The following ODF2 variants were observed in gnomAD, a reference collection of about 807,000 sequenced individuals.
The protein encoded by ODF2 is outer dense fiber protein 2.
ODF2 carries 47 observed loss-of-function variants against 110.2 expected under a neutral mutation model. That is an observed-to-expected ratio of 0.43 (90% confidence interval 0.34 to 0.54). The LOEUF (loss-of-function observed/expected upper bound fraction) is 0.54, where lower values mean the gene tolerates loss of function less well. ODF2 is among the 20% of genes least tolerant of loss of function. ODF2 has a pLI of 0.03. For missense variants in ODF2, 812 were observed against 1,054.5 expected, an observed-to-expected ratio of 0.77 and a Z score of 3.19; for synonymous variants, 352 against 397.7, an observed-to-expected ratio of 0.89 and a Z score of 1.37.
intron 2 of ODF2, among the ~76,000 whole-genome samples, chr9:128,459,208 C>T (rs959214300): frequency 1.3e-5 from 2 of 152,234 alleles, no homozygotes; most frequent in Non-Finnish European, 2.9e-5. Flanking sequence ...CTGCTCCAGG[C>T]ACTGTCCTGG....
intron 8 of ODF2, among the ~76,000 whole-genome samples, chr9:128,478,282 G>T (rs1253867271): frequency 1.3e-5 from 2 of 152,178 alleles, no homozygotes; most frequent in Non-Finnish European, 2.9e-5. Context: ...CAGCCTGGAT[G>T]ACAGAGCCAG....
intron 1 of ODF2, chr9:128,456,675 C>G: frequency 1.4e-6 from 2 of 1,436,966 alleles, no homozygotes; most frequent in Non-Finnish European, 1.8e-6. Flanking sequence ...CCTCGGGCCT[C>G]CACATGGCAG....
intron 14 of ODF2, among the ~76,000 whole-genome samples, chr9:128,489,996 C>G (rs1389578575): frequency 6.6e-6 from 1 of 152,070 alleles, no homozygotes; most frequent in Non-Finnish European, 1.5e-5. Context: ...GTAGTAGTAT[C>G]TCATTTGTAT....
chr9:128,456,179 C>T (rs746605930), exon 1 of ODF2: 5 of 1,549,248 alleles, frequency 3.2e-6, no homozygotes, highest in Non-Finnish European at 4.4e-6. Context: ...GCCGCGGCGT[C>T]TCCATGGCAC....
At chr9:128,490,429 T>G (rs1423421636) in intron 14 of ODF2, among the ~76,000 whole-genome samples, 1 of 151,808 alleles carries the variant, frequency 6.6e-6, no homozygotes, top group South Asian at 2.1e-4. Context: ...ATTACAGGCA[T>G]CCACCACCAT....
chr9:128,485,402 C>T lies in ODF2; in HGVS notation c.1328C>T (p.Ser443Phe). The T allele has an allele frequency of 6.2e-7, 1 of 1,611,462 alleles. No individual in the cohort carries two copies. Among genetic ancestry groups the T allele is most frequent in the Non-Finnish European group, 8.5e-7 (1 of 1,177,928 alleles). The change falls in exon 13 of 21, where the codon TCC (serine) becomes TTC (phenylalanine). Residue 443 changes from serine (S) to phenylalanine (F), a missense_variant. By Grantham distance (155) the Ser-to-Phe change is radical. Transcript: ENST00000604420. The surrounding 1 kb of genome is among the most constrained non-coding windows in gnomAD (Gnocchi z 5.0). The stretch of plus-strand genomic sequence containing the variant: ...GCTGAAGCTTTATCCACTCTGGAAT[C>T]CTGGAGGAGCCGCTACAACCAAGTT...
intron 9 of ODF2, 90 bp downstream of exon 9, chr9:128,481,741 AG>A: frequency 9.6e-7 from 1 of 1,037,698 alleles, no homozygotes; most frequent in Non-Finnish European, 1.5e-6. Context: ...GGATCAAGGC[AG>A]GAGGGCTGGA....
chr9:128,457,482 G>A (rs1008744052), intron 2 of ODF2: 8 of 1,544,710 alleles, frequency 5.2e-6, no homozygotes, highest in Middle Eastern at 1.7e-4. Context: ...GCAGGGAAAG[G>A]TGGCCAGGGG....
intron 7 of ODF2, 42 bp from the exon 8 acceptor site, chr9:128,473,568 C>T (rs149494883): frequency 2.8e-4 from 444 of 1,609,394 alleles, no homozygotes; most frequent in African/African-American, 6.0e-4. Context: ...TGCTTCTTCC[C>T]TTCTCCCCCT....
chr9:128,463,732 C>T (rs1211932441), intron 4 of ODF2, among the ~76,000 whole-genome samples: 1 of 152,200 alleles, frequency 6.6e-6, no homozygotes, highest in African/African-American at 2.4e-5. Context: ...ATGTGCAGAA[C>T]GTTTTCTGGG....
chr9:128,459,735 C>T, intron 3 of ODF2, 78 bp downstream of exon 2: 2 of 1,095,356 alleles, frequency 1.8e-6, no homozygotes, highest in Non-Finnish European at 2.7e-6. Context: ...CTAGGAGGTG[C>T]CTTACCCTGC....
At chr9:128,486,090 G>A (rs1238307191) in intron 13 of ODF2, among the ~76,000 whole-genome samples, 1 of 152,148 alleles carries the variant, frequency 6.6e-6, no homozygotes, top group Admixed American at 6.5e-5. Context: ...CTGTGTGCTG[G>A]CCACCAGGGT....
intron 5 of ODF2, among the ~76,000 whole-genome samples, chr9:128,470,149 A>C (rs2131721260): frequency 6.7e-6 from 1 of 148,648 alleles, no homozygotes; most frequent in East Asian, 2.0e-4. Context: ...GGAATTGGAA[A>C]TAGAACCTGG....
intron 9 of ODF2, among the ~76,000 whole-genome samples, 187 bp downstream of exon 9, chr9:128,481,838 G>C (rs1045425394): frequency 6.6e-6 from 1 of 151,792 alleles, no homozygotes; most frequent in Non-Finnish European, 1.5e-5. Context: ...TGTCTAGTTA[G>C]TTACTTGAGA....
exon 2 of ODF2, chr9:128,457,311 C>T (rs1835150688): frequency 1.2e-6 from 2 of 1,609,350 alleles, no homozygotes; most frequent in Non-Finnish European, 1.7e-6. Flanking sequence ...ATGCCGGGCC[C>T]CTTGAGAGGC....
At chr9:128,484,868 C>A (rs749309148) in exon 12 of ODF2, 1 of 1,613,792 alleles carries the variant, frequency 6.2e-7, no homozygotes, top group Non-Finnish European at 8.5e-7. Flanking sequence ...AGCAGCTACA[C>A]GTGCAACTCG....
chr9:128,472,939 A>G (rs1435945811), exon 7 of ODF2: 1 of 1,614,108 alleles, frequency 6.2e-7, no homozygotes, highest in Non-Finnish European at 8.5e-7. Context: ...CTACAACAGG[A>G]GAAGGAGTGC....
At chr9:128,486,181 G>C (rs1588933070) in intron 13 of ODF2, among the ~76,000 whole-genome samples, 1 of 152,156 alleles carries the variant, frequency 6.6e-6, no homozygotes, top group African/African-American at 2.4e-5. Flanking sequence ...GGACTCCCTG[G>C]ACTAAGGATA....
chr9:128,469,845 G>A (rs1009090506), intron 5 of ODF2, among the ~76,000 whole-genome samples: 4 of 149,348 alleles, frequency 2.7e-5, no homozygotes, highest in South Asian at 2.1e-4. Flanking sequence ...TTAGCCATGC[G>A]TGGTGGCGTG....
Sources: allele counts gnomAD v4.1 joint callset (sites outside exome capture counted in the v4.1 genomes callset), GRCh38; gene constraint gnomAD v4.1.1; non-coding constraint Gnocchi (gnomAD v3.1); transcripts MANE v1.5; gene names NCBI Gene and HGNC (gene_info 2026-07-23, HGNC 2026-07-21).